IFNGR2: variants seen among roughly 807,000 people sequenced by gnomAD.
The protein encoded by IFNGR2 is interferon gamma receptor 2.
In IFNGR2, 15 loss-of-function variants were observed where a neutral mutation model predicts 41.1. That is an observed-to-expected ratio of 0.37 (90% CI 0.24 to 0.56). The LOEUF (loss-of-function observed/expected upper bound fraction) is 0.56. IFNGR2 is among the 20% of genes least tolerant of loss of function. IFNGR2 has a pLI of 0.81. For synonymous variants in IFNGR2, 161 were observed against 171.6 expected, an observed-to-expected ratio of 0.94 and a Z score of 0.48; for missense variants, 362 against 415.7, an observed-to-expected ratio of 0.87 and a Z score of 1.12.
rs1235031098 is a variant in IFNGR2 at position 33,415,026 on chromosome 21, C to T, written c.206+6C>T. ...TACCAAGTGCAGTTTAAATAGTAAGCCGGTATTTCTGTTGGATCCTTGCTG... is the reference window on the plus strand; with the variant it reads ...TACCAAGTGCAGTTTAAATAGTAAGTCGGTATTTCTGTTGGATCCTTGCTG... On this transcript the variant is annotated splice_donor_region_variant and intron_variant, in intron 2 of 6. Transcript: ENST00000290219. The T allele has an allele frequency of 1.2e-6, 2 of 1,614,032 alleles. No homozygotes were observed. The highest frequency in any genetic ancestry group is 1.7e-5 in the Admixed American group (1 of 60,012).
rs190461408 is a variant in IFNGR2, at chr21:33,405,586, T to G, written c.73+1970T>G. Among the ~76,000 whole-genome samples the G allele has an allele frequency of 3.5e-3, 539 of 152,318 alleles. 2 individuals are homozygous for G. Among genetic ancestry groups the G allele is most frequent in the Non-Finnish European group, 5.8e-3 (397 of 68,020 alleles). On this transcript the variant is annotated intron_variant, in intron 1 of 6. Transcript: ENST00000290219. ...ATCTGTGGACTGTTTGTGACTTACC[T>G]GTGATGAGTCCAGAGGTTGAAAGAT...
Position 33,403,492 on chromosome 21 carries a change from C to T in IFNGR2, c.-52C>T. Reference sequence around the variant, plus strand: ...GCGGCGACGTGAGCGGCTCCGCGGACCCCGAGCGGGGCCCCGGCCGCGACC... The same window carrying T: ...GCGGCGACGTGAGCGGCTCCGCGGATCCCGAGCGGGGCCCCGGCCGCGACC... On this transcript the variant is annotated 5_prime_UTR_variant, in exon 1 of 7. Transcript: ENST00000290219. The T allele has an allele frequency of 1.8e-6, 2 of 1,116,852 alleles. No individual in the cohort carries two copies. The highest frequency in any genetic ancestry group is 2.2e-6 in the Non-Finnish European group (2 of 909,408). 69.2% of individuals were successfully genotyped at this position (1,116,852 alleles called of 1,614,324 possible). A position where few individuals can be genotyped will look rare whatever the true frequency, so the allele number is the denominator to read the frequency against.
intron 3 of IFNGR2, among the ~76,000 whole-genome samples, chr21:33,426,578 A>G (rs908697964): frequency 6.6e-6 from 1 of 151,726 alleles, no homozygotes; most frequent in Admixed American, 6.6e-5. Flanking sequence ...TTAGCCAGGC[A>G]TGGTGGCACA....
At chr21:33,418,466 G>C (rs1378887904) in intron 2 of IFNGR2, among the ~76,000 whole-genome samples, 1 of 152,178 alleles carries the variant, frequency 6.6e-6, no homozygotes, top group Admixed American at 6.5e-5. Flanking sequence ...TTGTAGATTT[G>C]ATAATGGAAG....
At chr21:33,412,712 T>A (rs369181565) in intron 1 of IFNGR2, among the ~76,000 whole-genome samples, 18 of 152,296 alleles carry the variant, frequency 1.2e-4, no homozygotes, top group African/African-American at 4.3e-4. Flanking sequence ...TGTGCCACCA[T>A]GCCTGGCTAA....
At chr21:33,431,556 G>A (rs1002802497) in intron 4 of IFNGR2, among the ~76,000 whole-genome samples, 8 of 151,942 alleles carry the variant, frequency 5.3e-5, no homozygotes, top group Non-Finnish European at 1.0e-4. Context: ...GTGACAGAGC[G>A]AAACTCCATC....
chr21:33,436,797 A>C, intron 6 of IFNGR2, 31 bp from the exon 7 acceptor site: 1 of 1,603,818 alleles, frequency 6.2e-7, no homozygotes. Flanking sequence ...CTGGTAAACT[A>C]ATTACAATTT....
intron 3 of IFNGR2, among the ~76,000 whole-genome samples, chr21:33,421,892 AG>A (rs1371559058): frequency 6.6e-6 from 1 of 152,230 alleles, no homozygotes; most frequent in East Asian, 1.9e-4. Context: ...TACAGCCTGC[AG>A]GCCAAATCGG....
At chr21:33,411,841 G>T (rs1415187306) in intron 1 of IFNGR2, among the ~76,000 whole-genome samples, 2 of 152,230 alleles carry the variant, frequency 1.3e-5, no homozygotes. Context: ...ACTTTAGTCA[G>T]TGAGACTGAC....
At chr21:33,413,745 A>G (rs1033843402) in intron 1 of IFNGR2, among the ~76,000 whole-genome samples, 1 of 150,056 alleles carries the variant, frequency 6.7e-6, no homozygotes, top group Non-Finnish European at 1.5e-5. Context: ...TGTTTCTTCC[A>G]GGTCACCCCA....
At chr21:33,418,107 T>C (rs2083766318) in intron 2 of IFNGR2, among the ~76,000 whole-genome samples, 1 of 152,130 alleles carries the variant, frequency 6.6e-6, no homozygotes, top group Non-Finnish European at 1.5e-5. Context: ...ACTGCAACTT[T>C]CGGCTCATTG....
At chr21:33,425,873 A>C (rs2083831854) in intron 3 of IFNGR2, among the ~76,000 whole-genome samples, 2 of 152,240 alleles carry the variant, frequency 1.3e-5, no homozygotes, top group Admixed American at 1.3e-4. Context: ...TGCTGTTGTG[A>C]ACACACAGTG....
chr21:33,424,409 T>TC, intron 3 of IFNGR2, among the ~76,000 whole-genome samples: 1 of 152,292 alleles, frequency 6.6e-6, no homozygotes, highest in Non-Finnish European at 1.5e-5. Context: ...AGCTGCCGCT[T>TC]CCGGCCGGAG....
At chr21:33,430,645 A>AG (rs1396088140) in intron 4 of IFNGR2, among the ~76,000 whole-genome samples, 2 of 151,950 alleles carry the variant, frequency 1.3e-5, no homozygotes, top group Admixed American at 1.3e-4. Context: ...AGACGGAGGG[A>AG]GGGGGTCTCA....
At position 33,436,992 on chromosome 21, in the gene IFNGR2, C is replaced by T; in HGVS notation, c.*30C>T. 2.5e-6 allele frequency: 4 copies of T among 1,612,726 alleles called. No individual in the cohort carries two copies. The highest frequency in any genetic ancestry group is 3.4e-6 in the Non-Finnish European group (4 of 1,178,902). ...AAGCATGGGCCTAGCCCACTGGCTCCCTGGAAGAGATCAAGCCATCGGAGC... is the reference window on the plus strand; with the variant it reads ...AAGCATGGGCCTAGCCCACTGGCTCTCTGGAAGAGATCAAGCCATCGGAGC... On this transcript the variant is annotated 3_prime_UTR_variant, in exon 7 of 7. Coordinates refer to ENST00000290219, the MANE Select transcript of IFNGR2 (RefSeq NM_005534.4).
chr21:33,431,163 G>T (rs1334069716), intron 4 of IFNGR2, among the ~76,000 whole-genome samples: 2 of 152,164 alleles, frequency 1.3e-5, no homozygotes, highest in African/African-American at 4.8e-5. Context: ...AACTATAGGA[G>T]GCTCAAGCAC....
At chr21:33,434,832 A>C (rs928251510) in intron 6 of IFNGR2, among the ~76,000 whole-genome samples, 2 of 152,158 alleles carry the variant, frequency 1.3e-5, no homozygotes, top group African/African-American at 4.8e-5. Flanking sequence ...TTGCAGTAAT[A>C]ATCTCTCTCT....
chr21:33,422,842 A>G (rs370511427), intron 3 of IFNGR2, among the ~76,000 whole-genome samples: 9 of 130,616 alleles, frequency 6.9e-5, no homozygotes, highest in East Asian at 4.6e-4. Context: ...GCACCATTGC[A>G]CTCCAGCCTG....
chr21:33,431,172 A>C (rs1202314024), intron 4 of IFNGR2, among the ~76,000 whole-genome samples: 1 of 152,236 alleles, frequency 6.6e-6, no homozygotes, highest in Non-Finnish European at 1.5e-5. Flanking sequence ...AGGCTCAAGC[A>C]CATTTCGGTC....
Sources: gnomAD v4.1 joint callset for allele counts (sites outside exome capture counted in the v4.1 genomes callset) on GRCh38, gnomAD v4.1.1 for gene constraint, MANE v1.5 for transcripts, NCBI Gene and HGNC (gene_info 2026-07-23, HGNC 2026-07-21) for gene names.